The following FLCN variants were observed in gnomAD, a reference collection of about 807,000 sequenced individuals.
FLCN encodes the protein BHD skin lesion fibrofolliculoma protein.
Under a neutral mutation model 62.5 loss-of-function variants are expected in FLCN, and 22 were observed. The ratio of observed to expected loss-of-function variants is 0.35; its 90% confidence interval spans 0.25 to 0.50. The LOEUF is 0.50. Among genes scored for constraint, FLCN ranks in the 20% least tolerant of loss-of-function variants. The probability of loss-of-function intolerance (pLI) is 0.97; values close to 1 mark genes in which losing one functional copy is unlikely to be tolerated. For synonymous variants in FLCN, 319 were observed against 310.0 expected, an observed-to-expected ratio of 1.03 and a Z score of -0.30; for missense variants, 657 against 778.0, an observed-to-expected ratio of 0.84 and a Z score of 1.85.
In FLCN at chr17:17,215,089, C is replaced by A; in HGVS notation, c.1434G>T (p.Val478=). ...TSGSPVAADR[V]GPTILNKIEA... ...CAATCTTATTCAGGATGGTGGGGCC[C>A]ACTGGGGAGAAGGGCAGGGGCAGAG... The change falls in exon 13 of 14, where the codon GTG becomes GTT. Residue 478 remains valine, a splice_region_variant and synonymous_variant. Transcript: ENST00000285071. 1 of 1,614,110 alleles carries A rather than the reference C, an allele frequency of 6.2e-7. No homozygotes were observed. The highest frequency in any genetic ancestry group is 1.1e-5 in the South Asian group (1 of 91,070).
At chr17:17,221,141 A>G (rs1482274717) in intron 8 of FLCN, 3 of 1,413,646 alleles carry the variant, frequency 2.1e-6, no homozygotes, top group African/African-American at 2.9e-5. Context: ...TCAGGGAACC[A>G]CTGCCCTTCA....
chr17:17,217,002 C>G, intron 10 of FLCN, 67 bp downstream of exon 10: 1 of 1,188,682 alleles, frequency 8.4e-7, no homozygotes, highest in South Asian at 1.2e-5. Context: ...CTTGGCATCC[C>G]CACCTGACGC....
chr17:17,222,065 G>A (rs1016950943), intron 7 of FLCN, among the ~76,000 whole-genome samples: 4 of 150,428 alleles, frequency 2.7e-5, no homozygotes, highest in Admixed American at 1.3e-4. Flanking sequence ...GGCTGGGCGC[G>A]GTGGCTCACA....
chr17:17,224,542 T>G (rs2047194738), intron 5 of FLCN: 1 of 353,238 alleles, frequency 2.8e-6, no homozygotes, highest in South Asian at 2.7e-5. Context: ...TCTTTCTTTC[T>G]TTCTTTATTT....
chr17:17,222,882 G>A (rs1409803276), intron 6 of FLCN: 2 of 606,726 alleles, frequency 3.3e-6, no homozygotes, highest in Admixed American at 2.3e-5. Flanking sequence ...AATCGGTTGA[G>A]CTTCTCCTGT....
In FLCN at chr17:17,212,756, A is replaced by T; in HGVS notation, c.*899T>A. 1 of 197,656 alleles carries T rather than the reference A, an allele frequency of 5.1e-6. No individual in the cohort carries two copies. Among genetic ancestry groups the T allele is most frequent in the Non-Finnish European group, 1.0e-5 (1 of 95,574 alleles). The allele number at this position is 197,656 out of a possible 1,614,324, so 12.2% of individuals were successfully genotyped here. ...AGCCAAGATCGTGCCATTGCACTCCAGCCTGGGCAACAAGAGTGAAACTCC... is the reference window on the plus strand; with the variant it reads ...AGCCAAGATCGTGCCATTGCACTCCTGCCTGGGCAACAAGAGTGAAACTCC... On this transcript the variant is annotated 3_prime_UTR_variant, in exon 14 of 14. Transcript: ENST00000285071.
chr17:17,227,952 G>A lies in FLCN; in HGVS notation c.186C>T (p.Ser62=), dbSNP rs1060504593. Residue 62 remains serine (S), a synonymous_variant, in exon 4 of 14, where the codon AGC becomes AGT. Coordinates refer to ENST00000285071, the MANE Select transcript of FLCN (RefSeq NM_144997.7). ...IQMNSRMRAH[S]PAEGASVESS... ...ACTCGACGCTGGCCCCCTCTGCGGG[G>A]CTGTGCGCACGCATCCGACTGTTCA... 1 of 1,614,150 alleles carries A rather than the reference G, an allele frequency of 6.2e-7. No individual in the cohort carries two copies. Among genetic ancestry groups the A allele is most frequent in the South Asian group, 1.1e-5 (1 of 91,090 alleles).
rs549505859 is a variant in FLCN at position 17,216,214 on chromosome 17, T to C, written c.1300+166A>G. Among the ~76,000 whole-genome samples, 38 of 152,280 alleles carry C rather than the reference T, an allele frequency of 2.5e-4. No individual in the cohort carries two copies. The highest frequency in any genetic ancestry group is 8.9e-4 in the African/African-American group (37 of 41,556). Reference sequence around the variant, plus strand: ...CCCATCAGGTCCACTCACCCACCGCTACCTGTGTGAAGATAGAACACGGAG... The same window carrying C: ...CCCATCAGGTCCACTCACCCACCGCCACCTGTGTGAAGATAGAACACGGAG... On this transcript the variant is annotated intron_variant, in intron 11 of 13. Coordinates refer to ENST00000285071, the MANE Select transcript of FLCN (RefSeq NM_144997.7). This position sits in a 1 kb window ranked among gnomAD's most constrained non-coding sequence, Gnocchi z 4.0.
chr17:17,230,339 T>C (rs1044028560), intron 3 of FLCN, among the ~76,000 whole-genome samples: 1 of 152,082 alleles, frequency 6.6e-6, no homozygotes, highest in Non-Finnish European at 1.5e-5. Context: ...GAGACCAGCC[T>C]GGCCGACGCA....
chr17:17,224,887 C>G (rs747513870), intron 5 of FLCN: 2 of 153,828 alleles, frequency 1.3e-5, no homozygotes, highest in African/African-American at 4.8e-5. Context: ...TCATTACATA[C>G]TTACTCTTCC....
intron 5 of FLCN, chr17:17,225,781 T>C: frequency 3.1e-6 from 1 of 326,964 alleles, no homozygotes; most frequent in Admixed American, 4.0e-5. Context: ...CCTGGGAGGC[T>C]AAGGCGGGAG....
intron 9 of FLCN, among the ~76,000 whole-genome samples, chr17:17,218,386 CTT>C (rs11464784): frequency 1.2e-4 from 15 of 129,914 alleles, no homozygotes; most frequent in Admixed American, 2.4e-4. Context: ...CCATCACTTT[CTT>C]TTTTTTTTTT....
intron 1 of FLCN, among the ~76,000 whole-genome samples, chr17:17,233,413 T>C (rs920046475): frequency 1.3e-5 from 2 of 151,764 alleles, no homozygotes; most frequent in African/African-American, 2.4e-5. Context: ...CTGGCTAACA[T>C]GGTGAAACCC....
intron 5 of FLCN, chr17:17,225,811 T>G: frequency 2.9e-6 from 1 of 346,570 alleles, no homozygotes; most frequent in Non-Finnish European, 5.8e-6. Context: ...AGCCCAGGAG[T>G]TTGAGGTTGC....
At chr17:17,221,131 T>A in intron 8 of FLCN, 2 of 1,379,804 alleles carry the variant, frequency 1.4e-6, no homozygotes, top group Non-Finnish European at 1.9e-6. Context: ...ACCTGGGAGG[T>A]CAGGGAACCA....
chr17:17,236,530 T>C (rs890498140), intron 1 of FLCN, among the ~76,000 whole-genome samples: 7 of 152,206 alleles, frequency 4.6e-5, no homozygotes, highest in African/African-American at 1.7e-4. Flanking sequence ...AGGACGCGAC[T>C]GACAGTACTC....
At chr17:17,226,960 A>G (rs2047269598) in intron 4 of FLCN, among the ~76,000 whole-genome samples, 1 of 152,214 alleles carries the variant, frequency 6.6e-6, no homozygotes, top group African/African-American at 2.4e-5. Flanking sequence ...CTCTCCCCAC[A>G]GTGTCGCAGG....
intron 12 of FLCN, 29 bp from the exon 13 acceptor site, chr17:17,215,119 G>A (rs2046872423): frequency 6.2e-7 from 1 of 1,613,872 alleles, no homozygotes. Flanking sequence ...GCAGAGCAAG[G>A]GCAGGCGTTA....
chr17:17,236,401 G>C (rs1235692198), intron 1 of FLCN, among the ~76,000 whole-genome samples: 1 of 152,240 alleles, frequency 6.6e-6, no homozygotes, highest in Non-Finnish European at 1.5e-5. Context: ...CCAAAGGCTA[G>C]AGAGCCAGAA....
Sources: gnomAD v4.1 joint callset for allele counts (sites outside exome capture counted in the v4.1 genomes callset) on GRCh38, gnomAD v4.1.1 for gene constraint, Gnocchi (gnomAD v3.1) non-coding constraint, MANE v1.5 for transcripts, NCBI Gene and HGNC (gene_info 2026-07-23, HGNC 2026-07-21) for gene names.